Variants in CA10 observed in about 807,000 individuals in gnomAD.
CA10 encodes the protein carbonic anhydrase-related protein 10.
CA10 carries 14 observed loss-of-function variants against 44.2 expected under a neutral mutation model. The ratio of observed to expected loss-of-function variants is 0.32; its 90% CI spans 0.21 to 0.50. The LOEUF (loss-of-function observed/expected upper bound fraction) is 0.50, where lower values mean the gene tolerates loss of function less well. Ranked by LOEUF, CA10 falls within the 20% of genes least tolerant of loss-of-function variation. CA10 has a pLI of 0.99. For missense variants in CA10, 350 were observed against 409.7 expected, an observed-to-expected ratio of 0.85 and a Z score of 1.26; for synonymous variants, 159 against 141.6, an observed-to-expected ratio of 1.12 and a Z score of -0.87.
At chr17:51,727,931 G>A (rs574557286) in intron 4 of CA10, among the ~76,000 whole-genome samples, 1 of 151,824 alleles carries the variant, frequency 6.6e-6, no homozygotes, top group Admixed American at 6.6e-5. Flanking sequence ...TGTCACCTAT[G>A]CTGGAATGCA....
intron 4 of CA10, among the ~76,000 whole-genome samples, chr17:51,717,790 T>TACAC (rs1491407165): frequency 1.4e-5 from 1 of 71,724 alleles, no homozygotes; most frequent in African/African-American, 4.7e-5. Context: ...CATGTATATA[T>TACAC]GTATATGTGT....
intron 2 of CA10, among the ~76,000 whole-genome samples, chr17:52,004,216 C>A (rs1985525672): frequency 6.6e-6 from 1 of 152,030 alleles, no homozygotes; most frequent in Non-Finnish European, 1.5e-5. Flanking sequence ...CAGAATAAAT[C>A]CCCATAAGTA....
chr17:51,799,959 C>T (rs992860198), intron 3 of CA10, among the ~76,000 whole-genome samples: 1 of 152,128 alleles, frequency 6.6e-6, no homozygotes, highest in Non-Finnish European at 1.5e-5. Context: ...TTTGGAAGTT[C>T]CTCAAAAAGT....
chr17:51,728,620 C>T lies in CA10; in HGVS notation c.465+19013G>A, dbSNP rs537149311. ...TGGATACATATCACAGGGGAAAGTGCCCTTCTCTTCGCATCAGAGGTACCC... is the reference window on the plus strand; with the variant it reads ...TGGATACATATCACAGGGGAAAGTGTCCTTCTCTTCGCATCAGAGGTACCC... On this transcript the variant is annotated intron_variant, in intron 4 of 8. Coordinates refer to ENST00000451037, the MANE Select transcript of CA10 (RefSeq NM_020178.5). 4.6e-5 allele frequency among the ~76,000 whole-genome samples: 7 copies of T among 152,280 alleles called. No individual in the cohort carries two copies. In the South Asian group the frequency reaches 1.5e-3, roughly 32 times the overall value.
At chr17:52,042,563 C>G (rs1986800928) in intron 2 of CA10, among the ~76,000 whole-genome samples, 1 of 151,702 alleles carries the variant, frequency 6.6e-6, no homozygotes, top group East Asian at 2.0e-4. Context: ...GCCTTTTCAT[C>G]TTGATTTTTT....
intron 4 of CA10, among the ~76,000 whole-genome samples, chr17:51,743,257 G>T (rs1904536685): frequency 6.6e-6 from 1 of 152,158 alleles, no homozygotes; most frequent in Admixed American, 6.5e-5. Flanking sequence ...CCCCACTACT[G>T]CAATGGAATC....
intron 2 of CA10, chr17:52,070,619 A>G (rs1435628532): frequency 6.6e-6 from 1 of 152,230 alleles, no homozygotes; most frequent in East Asian, 1.9e-4. Flanking sequence ...CTTCCCATGT[A>G]GTAAGGTTTA....
At chr17:52,050,120 A>G (rs1305884292) in intron 2 of CA10, among the ~76,000 whole-genome samples, 5 of 152,084 alleles carry the variant, frequency 3.3e-5, no homozygotes, top group Non-Finnish European at 7.4e-5. Context: ...ATCCCCACTG[A>G]TAAGTGACAC....
At position 51,863,236 on chromosome 17, in the gene CA10, T is replaced by C. The variant is rs4396577; in HGVS notation, c.279+67754A>G. Among the ~76,000 whole-genome samples, 707 of 152,338 alleles carry C rather than the reference T, an allele frequency of 4.6e-3. 5 individuals carry two copies. The highest frequency in any genetic ancestry group is 0.016 in the African/African-American group (673 of 41,580). ...TTGTTGTTATCATCATCGATTCCGA[T>C]AGGACAAGGATGAATCTGGAAGTTA... On this transcript the variant is annotated intron_variant, in intron 3 of 8. Transcript: ENST00000451037.
chr17:51,784,754 A>C (rs1198673097), intron 3 of CA10, among the ~76,000 whole-genome samples: 3 of 152,240 alleles, frequency 2.0e-5, no homozygotes, highest in Non-Finnish European at 2.9e-5. Context: ...CCATCCCCTC[A>C]AGCACTTATC....
At position 51,747,617 on chromosome 17, in the gene CA10, T is replaced by C. The variant is rs779048383; in HGVS notation, c.465+16A>G. ...AAGTTGACATTTAACCTTAGTACTT[T>C]GACAGACTAACATACCTCCCCAGAG... is the stretch of plus-strand genomic sequence containing the variant. On this transcript the variant is annotated intron_variant, in intron 4 of 8. Coordinates refer to ENST00000451037, the MANE Select transcript of CA10 (RefSeq NM_020178.5). 6.3e-7 allele frequency: 1 copy of C among 1,597,122 alleles called. No homozygotes were observed. Among genetic ancestry groups the C allele is most frequent in the South Asian group, 1.1e-5 (1 of 87,650 alleles).
chr17:51,824,076 G>T (rs1907920145), intron 3 of CA10, among the ~76,000 whole-genome samples: 1 of 149,880 alleles, frequency 6.7e-6, no homozygotes, highest in Admixed American at 6.6e-5. Context: ...TAACAATAGA[G>T]ATGTTTTGTT....
intron 2 of CA10, among the ~76,000 whole-genome samples, chr17:52,045,490 A>G (rs1475858779): frequency 6.6e-6 from 1 of 152,074 alleles, no homozygotes; most frequent in East Asian, 1.9e-4. Flanking sequence ...GTAATACAGT[A>G]TATAACATGA....
intron 4 of CA10, among the ~76,000 whole-genome samples, chr17:51,688,682 C>T (rs1442243344): frequency 6.6e-6 from 1 of 152,156 alleles, no homozygotes; most frequent in Non-Finnish European, 1.5e-5. Context: ...AATTGTATCC[C>T]TTTCCCCATC....
At chr17:51,750,944 C>G (rs1598026458) in intron 3 of CA10, among the ~76,000 whole-genome samples, 2 of 152,284 alleles carry the variant, frequency 1.3e-5, no homozygotes, top group Admixed American at 1.3e-4. Flanking sequence ...TTTCCCAGTA[C>G]TTGGGAAACA....
At chr17:51,640,301 A>G (rs191553353) in intron 6 of CA10, among the ~76,000 whole-genome samples, 1 of 152,202 alleles carries the variant, frequency 6.6e-6, no homozygotes, top group Non-Finnish European at 1.5e-5. Flanking sequence ...ATCATTTATC[A>G]GATGAGGGGA....
At chr17:51,887,540 C>G (rs1202259895) in intron 3 of CA10, among the ~76,000 whole-genome samples, 1 of 152,178 alleles carries the variant, frequency 6.6e-6, no homozygotes, top group African/African-American at 2.4e-5. Context: ...GGTTGGGATC[C>G]TTGCTCTGCC....
chr17:52,070,670 A>G (rs1409120107), intron 2 of CA10: 2 of 152,222 alleles, frequency 1.3e-5, no homozygotes, highest in Admixed American at 1.3e-4. Context: ...AGGAAAAGTT[A>G]TTTTATATCA....
chr17:51,676,007 TG>T (rs1215920906), intron 4 of CA10, among the ~76,000 whole-genome samples: 1 of 152,198 alleles, frequency 6.6e-6, no homozygotes, highest in Non-Finnish European at 1.5e-5. Context: ...TAAGTATTAA[TG>T]GTAAGTCAGC....
Sources: gnomAD v4.1 joint callset for allele counts (sites outside exome capture counted in the v4.1 genomes callset) on GRCh38, gnomAD v4.1.1 for gene constraint, MANE v1.5 for transcripts, NCBI Gene and HGNC (gene_info 2026-07-23, HGNC 2026-07-21) for gene names.